STK3: variants seen among roughly 807,000 people sequenced by gnomAD.
The protein encoded by STK3 is serine/threonine kinase 3.
A neutral mutation model predicts 58.0 loss-of-function variants in STK3; 41 were observed. That is an observed-to-expected ratio of 0.71 (90% CI 0.55 to 0.92). STK3 has a LOEUF of 0.92. STK3 is among the 40% of genes least tolerant of loss of function. The probability of loss-of-function intolerance (pLI) is 0.00; values close to 1 mark genes in which losing one functional copy is unlikely to be tolerated. For missense variants in STK3, 479 were observed against 602.7 expected (o/e 0.79, Z 2.15); for synonymous variants, 170 against 191.0 (o/e 0.89, Z 0.91).
chr8:98,630,631 G>C (rs1302841516), intron 6 of STK3, among the ~76,000 whole-genome samples: 1 of 150,706 alleles, frequency 6.6e-6, no homozygotes, highest in Non-Finnish European at 1.5e-5. Context: ...TGACAGAGAG[G>C]AACAGAAGAA....
intron 10 of STK3, among the ~76,000 whole-genome samples, chr8:98,459,097 C>A (rs1586609918): frequency 6.6e-6 from 1 of 152,196 alleles, no homozygotes; most frequent in Non-Finnish European, 1.5e-5. Context: ...TTCCTAGAGA[C>A]TTGTTGAATG....
chr8:98,602,928 T>C (rs1007370173), intron 6 of STK3, among the ~76,000 whole-genome samples: 23 of 147,934 alleles, frequency 1.6e-4, no homozygotes, highest in African/African-American at 5.5e-4. Context: ...TATCTAAAGA[T>C]AGTGGACACC....
intron 6 of STK3, among the ~76,000 whole-genome samples, chr8:98,656,596 T>C (rs979839810): frequency 6.6e-6 from 1 of 152,148 alleles, no homozygotes; most frequent in Non-Finnish European, 1.5e-5. Context: ...TTTTCCTTCT[T>C]CAATTTGATA....
At chr8:98,834,653 A>T (rs1310274903) in intron 3 of STK3, among the ~76,000 whole-genome samples, 1 of 152,346 alleles carries the variant, frequency 6.6e-6, no homozygotes, top group East Asian at 1.9e-4. Context: ...GTGTCTTCAC[A>T]TGGTAGAAGA....
At chr8:98,886,490 C>A (rs1018879247) in intron 1 of STK3, among the ~76,000 whole-genome samples, 1 of 152,142 alleles carries the variant, frequency 6.6e-6, no homozygotes, top group Non-Finnish European at 1.5e-5. Context: ...ATGAGTTAGG[C>A]CAATTATTTA....
chr8:98,858,303 TATATATATATATATATATATAG>T (rs1836760071), intron 3 of STK3, among the ~76,000 whole-genome samples: 1 of 60,380 alleles, frequency 1.7e-5, no homozygotes, highest in Non-Finnish European at 3.2e-5. Flanking sequence ...TATATATATA[TATATATATATATATATATATAG>T]AGAGAGAGAG....
At chr8:98,497,306 T>A (rs1031403867) in intron 10 of STK3, among the ~76,000 whole-genome samples, 3 of 152,024 alleles carry the variant, frequency 2.0e-5, no homozygotes, top group Admixed American at 1.3e-4. Flanking sequence ...TCAAAATAGA[T>A]CAAAGACCTA....
intron 6 of STK3, among the ~76,000 whole-genome samples, chr8:98,622,713 C>T (rs770606554): frequency 2.0e-5 from 3 of 152,266 alleles, no homozygotes; most frequent in Admixed American, 6.5e-5. Flanking sequence ...ATTATGTGTT[C>T]GCCTATCCTA....
chr8:98,479,452 A>G (rs1052162030), intron 10 of STK3, among the ~76,000 whole-genome samples: 1 of 117,264 alleles, frequency 8.5e-6, no homozygotes, highest in Admixed American at 1.2e-4. Flanking sequence ...CTGCCACTGC[A>G]CTCCAGCCTG....
chr8:98,347,403 T>C, the STK3 span, among the ~76,000 whole-genome samples: 1 of 151,590 alleles, frequency 6.6e-6, no homozygotes, highest in Middle Eastern at 3.4e-3. Context: ...TAGTCCCAGC[T>C]ACTCGGGAGG....
intron 6 of STK3, among the ~76,000 whole-genome samples, chr8:98,639,212 C>T (rs969121768): frequency 1.3e-5 from 2 of 151,840 alleles, no homozygotes; most frequent in African/African-American, 2.4e-5. Flanking sequence ...TGGGCTCAAC[C>T]GATCCTCTCA....
At chr8:98,640,302 G>A (rs540072549) in intron 6 of STK3, among the ~76,000 whole-genome samples, 5 of 152,074 alleles carry the variant, frequency 3.3e-5, no homozygotes, top group African/African-American at 1.2e-4. Flanking sequence ...TGCCTGCCTT[G>A]GCCTCCCAAA....
At chr8:98,589,479 G>A (rs1192273741) in intron 7 of STK3, among the ~76,000 whole-genome samples, 3 of 152,202 alleles carry the variant, frequency 2.0e-5, no homozygotes, top group Admixed American at 6.5e-5. Context: ...CTGCATACTG[G>A]GAGAACCACT....
intron 10 of STK3, among the ~76,000 whole-genome samples, chr8:98,514,803 C>T (rs1271888034): frequency 6.6e-6 from 1 of 152,060 alleles, no homozygotes; most frequent in Non-Finnish European, 1.5e-5. Flanking sequence ...CCATTCTGTA[C>T]TTTCAACTAT....
intron 3 of STK3, among the ~76,000 whole-genome samples, chr8:98,405,973 G>T (rs1214216535): frequency 6.6e-6 from 1 of 152,142 alleles, no homozygotes; most frequent in East Asian, 1.9e-4. Context: ...TTTCGATGGG[G>T]ATGCAGACAA....
intron 4 of STK3, among the ~76,000 whole-genome samples, chr8:98,738,888 G>T (rs546009235): frequency 1.4e-4 from 21 of 152,350 alleles, no homozygotes; most frequent in African/African-American, 2.6e-4. Context: ...ACTCCCACCC[G>T]AATACTGCGC....
intron 10 of STK3, among the ~76,000 whole-genome samples, chr8:98,510,849 G>A (rs1824459222): frequency 6.6e-6 from 1 of 152,066 alleles, no homozygotes; most frequent in Non-Finnish European, 1.5e-5. Flanking sequence ...TGTGAGTAAG[G>A]TGGGTGAAGT....
At chr8:98,746,968 G>C (rs1465511974) in intron 4 of STK3, among the ~76,000 whole-genome samples, 1 of 151,876 alleles carries the variant, frequency 6.6e-6, no homozygotes, top group Non-Finnish European at 1.5e-5. Context: ...CTTGAGCCCA[G>C]GAATTCAAGG....
intron 2 of STK3, among the ~76,000 whole-genome samples, chr8:98,377,182 C>G (rs1817684983): frequency 6.6e-6 from 1 of 152,298 alleles, no homozygotes; most frequent in South Asian, 2.1e-4. Context: ...TCTACCTTCC[C>G]TCCCAGCACC....
Sources: allele counts gnomAD v4.1 joint callset (sites outside exome capture counted in the v4.1 genomes callset), GRCh38; gene constraint gnomAD v4.1.1; transcripts MANE v1.5; gene names NCBI Gene and HGNC (gene_info 2026-07-23, HGNC 2026-07-21).